AGAP1: variants seen among roughly 807,000 people sequenced by gnomAD.
AGAP1 encodes the protein ArfGAP with GTPase domain, ankyrin repeat and PH domain 1, also known as arf-GAP with GTPase, ANK repeat and PH domain-containing protein 1.
In AGAP1, 29 loss-of-function variants were observed where a neutral mutation model predicts 105.3. That is an observed-to-expected ratio of 0.28 (90% CI 0.21 to 0.38). The LOEUF is 0.38. Among genes scored for constraint, AGAP1 ranks in the 10% least tolerant of loss-of-function variants. The pLI is 1.00. For missense variants in AGAP1, 998 were observed against 1,165.1 expected (o/e 0.86, Z 2.09); for synonymous variants, 509 against 485.9 (o/e 1.05, Z -0.63).
At chr2:236,106,938 T>G (rs2059511695) in intron 16 of AGAP1, among the ~76,000 whole-genome samples, 1 of 151,236 alleles carries the variant, frequency 6.6e-6, no homozygotes, top group Admixed American at 6.6e-5. Flanking sequence ...TATGGTGCAT[T>G]TTACAGATGT....
At chr2:235,616,144 C>G (rs777502184) in intron 1 of AGAP1, among the ~76,000 whole-genome samples, 2 of 152,132 alleles carry the variant, frequency 1.3e-5, no homozygotes, top group Non-Finnish European at 2.9e-5. Flanking sequence ...AGGCATATCA[C>G]AAGGTGAAGA....
Position 235,904,567 on chromosome 2 carries a change from A to G in AGAP1, c.1156-4171A>G, listed in dbSNP as rs1350196007. On this transcript the variant is annotated intron_variant, in intron 10 of 17. Coordinates refer to ENST00000304032, the MANE Select transcript of AGAP1 (RefSeq NM_001037131.3). This position sits in a 1 kb window ranked among gnomAD's most constrained non-coding sequence, Gnocchi z 4.2. ...TTTTCCTCTTTTATCTTCGATCAGC[A>G]TTTTCAACAAGGAACATGGAGAAGG... 6.6e-6 allele frequency among the ~76,000 whole-genome samples: 1 copy of G among 152,134 alleles called. No homozygotes were observed. Among genetic ancestry groups the G allele is most frequent in the Non-Finnish European group, 1.5e-5 (1 of 68,026 alleles).
intron 13 of AGAP1, among the ~76,000 whole-genome samples, chr2:235,999,382 TGGTGGTGATGATGGTGAGA>T (rs2055984808): frequency 6.8e-6 from 1 of 146,812 alleles, no homozygotes; most frequent in Non-Finnish European, 1.5e-5. Flanking sequence ...CAATATGGTA[TGGTGGTGATGATGGTGAGA>T]GGTGGTGGTG....
intron 3 of AGAP1, among the ~76,000 whole-genome samples, chr2:235,738,653 G>A (rs1952395043): frequency 6.6e-6 from 1 of 151,702 alleles, no homozygotes; most frequent in Non-Finnish European, 1.5e-5. Flanking sequence ...CACCTCCCAG[G>A]TTCAAGCAAT....
In AGAP1 at chr2:235,908,942, C is replaced by A; in HGVS notation, c.1324+36C>A. ...AGCAAATGCACTAACAAATCAAGTTCAACAGCAACAGGTGGTCCAGGCTCG... is the reference window on the plus strand; with the variant it reads ...AGCAAATGCACTAACAAATCAAGTTAAACAGCAACAGGTGGTCCAGGCTCG... On this transcript the variant is annotated intron_variant, in intron 11 of 17. Coordinates refer to ENST00000304032, the MANE Select transcript of AGAP1 (RefSeq NM_001037131.3). This position sits in a 1 kb window ranked among gnomAD's most constrained non-coding sequence, Gnocchi z 4.4. 6.3e-7 allele frequency: 1 copy of A among 1,585,868 alleles called. No homozygotes were observed. The highest frequency in any genetic ancestry group is 1.1e-5 in the South Asian group (1 of 89,010).
At chr2:235,978,551 G>A (rs539403768) in intron 13 of AGAP1, among the ~76,000 whole-genome samples, 1 of 152,358 alleles carries the variant, frequency 6.6e-6, no homozygotes, top group Admixed American at 6.5e-5. Flanking sequence ...TCACAAATGA[G>A]GAAGAGGGTT....
At position 236,113,263 on chromosome 2, in the gene AGAP1, C is replaced by G. The variant is rs533594752; in HGVS notation, c.2115-6929C>G. Among the ~76,000 whole-genome samples the G allele has an allele frequency of 3.3e-5, 5 of 152,322 alleles. No homozygotes were observed. Among genetic ancestry groups the G allele is most frequent in the Admixed American group, 6.5e-5 (1 of 15,310 alleles). ...TCAAGCAATTCTCTGCCTCAGCCCC[C>G]CCGAGTAGCTGGGATTACAGGCATC... On this transcript the variant is annotated intron_variant, in intron 16 of 17. Transcript: ENST00000304032. The surrounding 1 kb of genome is among the most constrained non-coding windows in gnomAD (Gnocchi z 4.3).
At position 236,061,619 on chromosome 2, in the gene AGAP1, C is replaced by G. The variant is rs1484441471; in HGVS notation, c.2114+12338C>G. 6.6e-6 allele frequency among the ~76,000 whole-genome samples: 1 copy of G among 152,088 alleles called. No individual in the cohort carries two copies. The highest frequency in any genetic ancestry group is 1.5e-5 in the Non-Finnish European group (1 of 68,018). ...CAGGCACAGAAGGCCACACCGTGTA[C>G]CATTCCATCTGTCTGATGGCGAAAA... On this transcript the variant is annotated intron_variant, in intron 16 of 17. Coordinates refer to ENST00000304032, the MANE Select transcript of AGAP1 (RefSeq NM_001037131.3). This position sits in a 1 kb window ranked among gnomAD's most constrained non-coding sequence, Gnocchi z 4.1.
chr2:235,635,112 G>A lies in AGAP1; in HGVS notation c.164-74067G>A, dbSNP rs1946953548. Among the ~76,000 whole-genome samples the A allele has an allele frequency of 6.6e-6, 1 of 152,180 alleles. No individual in the cohort carries two copies. Among genetic ancestry groups the A allele is most frequent in the South Asian group, 2.1e-4 (1 of 4,820 alleles). On this transcript the variant is annotated intron_variant, in intron 1 of 17. Coordinates refer to ENST00000304032, the MANE Select transcript of AGAP1 (RefSeq NM_001037131.3). The surrounding 1 kb of genome is among the most constrained non-coding windows in gnomAD (Gnocchi z 5.3). ...TGGGAATCTCCTGCCTCAGGACCTG[G>A]TGGTCTAGAGGTACTGTGGTATAAG...
intron 16 of AGAP1, among the ~76,000 whole-genome samples, chr2:236,117,778 C>G (rs1051466816): frequency 9.2e-5 from 14 of 152,206 alleles, no homozygotes; most frequent in African/African-American, 3.4e-4. Flanking sequence ...ACGTTTAATA[C>G]ATTTTAAATA....
chr2:235,595,400 G>T (rs1021455530), intron 1 of AGAP1, among the ~76,000 whole-genome samples: 2 of 152,208 alleles, frequency 1.3e-5, no homozygotes, highest in Admixed American at 1.3e-4. Flanking sequence ...GGAAGGAAGT[G>T]TAGCTGAAGT....
intron 8 of AGAP1, among the ~76,000 whole-genome samples, chr2:235,802,869 G>C (rs1331318040): frequency 8.8e-5 from 13 of 148,128 alleles, no homozygotes; most frequent in Non-Finnish European, 1.8e-4. Context: ...TGATGGTGAT[G>C]ATGCTGCTTG....
chr2:235,883,205 C>T lies in AGAP1; in HGVS notation c.1051-140C>T. 1.5e-6 allele frequency: 1 copy of T among 655,868 alleles called. No individual in the cohort carries two copies. Among genetic ancestry groups the T allele is most frequent in the Non-Finnish European group, 2.7e-6 (1 of 374,078 alleles). 40.6% of individuals were successfully genotyped at this position (655,868 alleles called of 1,614,324 possible). On this transcript the variant is annotated intron_variant, in intron 9 of 17. Coordinates refer to ENST00000304032, the MANE Select transcript of AGAP1 (RefSeq NM_001037131.3). This position sits in a 1 kb window ranked among gnomAD's most constrained non-coding sequence, Gnocchi z 4.5. ...TGTGTCGTATTTGTTGAACTAATGG[C>T]ATATCTTTTAGCATTCGCCAGTATC...
intron 11 of AGAP1, among the ~76,000 whole-genome samples, chr2:235,926,116 G>A (rs540874809): frequency 1.6e-4 from 25 of 152,334 alleles, no homozygotes; most frequent in African/African-American, 6.0e-4. Flanking sequence ...CTGGATGCCA[G>A]GACAGCATTA....
intron 9 of AGAP1, among the ~76,000 whole-genome samples, chr2:235,849,361 G>GT (rs963285747): frequency 3.9e-5 from 6 of 152,130 alleles, no homozygotes; most frequent in Non-Finnish European, 7.3e-5. Context: ...TAATTAACTG[G>GT]TTTTTTTGTG....
chr2:235,913,039 A>G (rs145894421), intron 11 of AGAP1, among the ~76,000 whole-genome samples: 113 of 152,198 alleles, frequency 7.4e-4, no homozygotes, highest in African/African-American at 2.6e-3. Context: ...TTTTGCAGGT[A>G]TTTCCCCAGT....
In AGAP1 at chr2:235,874,965, G is replaced by T. The variant is rs1458986182; in HGVS notation, c.1051-8380G>T. Among the ~76,000 whole-genome samples, 1 of 152,162 alleles carries T rather than the reference G, an allele frequency of 6.6e-6. No individual in the cohort carries two copies. The highest frequency in any genetic ancestry group is 1.5e-5 in the Non-Finnish European group (1 of 68,038). ...ATAGGCAGTAACCTCTTGTGAAGCGGAAGCAAACTAGAAACAGCTCTCCCA... is the reference window on the plus strand; with the variant it reads ...ATAGGCAGTAACCTCTTGTGAAGCGTAAGCAAACTAGAAACAGCTCTCCCA... On this transcript the variant is annotated intron_variant, in intron 9 of 17. Transcript: ENST00000304032. The surrounding 1 kb of genome is among the most constrained non-coding windows in gnomAD (Gnocchi z 4.5).
Position 235,689,306 on chromosome 2 carries a change from C to G in AGAP1, c.164-19873C>G, listed in dbSNP as rs1358344261. 6.6e-6 allele frequency among the ~76,000 whole-genome samples: 1 copy of G among 152,178 alleles called. No individual in the cohort carries two copies. Among genetic ancestry groups the G allele is most frequent in the East Asian group, 1.9e-4 (1 of 5,184 alleles). ...GGAGAGAGTGAGGTTGCCGTGTCCA[C>G]AAGTCACTGCACAGCTCACCACGCG... On this transcript the variant is annotated intron_variant, in intron 1 of 17. Transcript: ENST00000304032. The surrounding 1 kb of genome is among the most constrained non-coding windows in gnomAD (Gnocchi z 4.2).
chr2:235,768,210 T>TAC (rs1357845790), intron 6 of AGAP1, among the ~76,000 whole-genome samples: 1 of 152,230 alleles, frequency 6.6e-6, no homozygotes, highest in Non-Finnish European at 1.5e-5. Context: ...TTTCTCTCAC[T>TAC]ACACAAGGTT....
Sources: allele counts gnomAD v4.1 joint callset (sites outside exome capture counted in the v4.1 genomes callset), GRCh38; gene constraint gnomAD v4.1.1; non-coding constraint Gnocchi (gnomAD v3.1); transcripts MANE v1.5; gene names NCBI Gene and HGNC (gene_info 2026-07-23, HGNC 2026-07-21).